Variants in OXTR observed in about 807,000 individuals in gnomAD.
The protein encoded by OXTR is oxytocin receptor.
In OXTR, 19 loss-of-function variants were observed where a neutral mutation model predicts 23.9. The ratio of observed to expected loss-of-function variants is 0.80; its 90% confidence interval spans 0.56 to 1.17. OXTR has a LOEUF of 1.17. OXTR is among the 50% of genes most tolerant of loss of function. The pLI, the probability that OXTR is intolerant of heterozygous loss-of-function variation, is 0.00. For missense variants in OXTR, 500 were observed against 550.7 expected (o/e 0.91, Z 0.92); for synonymous variants, 278 against 250.5 (o/e 1.11, Z -1.04).
chr3:8,766,687 A>G (rs1028752294), intron 3 of OXTR, among the ~76,000 whole-genome samples: 2 of 151,054 alleles, frequency 1.3e-5, no homozygotes, highest in African/African-American at 4.9e-5. Flanking sequence ...TCTCCCTTGG[A>G]CTCCTCTGCC....
chr3:8,767,279 G>T lies in OXTR; in HGVS notation c.909C>A (p.Asn303Lys), dbSNP rs769535684. Residue 303 changes from asparagine (N) to lysine (K), a missense_variant, in exon 3 of 4, where the codon AAC becomes AAA. Coordinates refer to ENST00000316793, the MANE Select transcript of OXTR (RefSeq NM_000916.4). ...FVQMWSVWDA[N>K]APKEASAFII... ...AGCCCTGGCTACCTTCCTTGGGCGC[G>T]TTGGCATCCCAGACGCTCCACATCT... The T allele has an allele frequency of 1.3e-6, 2 of 1,552,130 alleles. No individual in the cohort carries two copies. The highest frequency in any genetic ancestry group is 1.7e-6 in the Non-Finnish European group (2 of 1,150,256).
chr3:8,753,650 C>T (rs1337670610), intron 3 of OXTR, among the ~76,000 whole-genome samples: 2 of 152,176 alleles, frequency 1.3e-5, no homozygotes, highest in South Asian at 2.1e-4. Context: ...GCCTCACCAG[C>T]GCCTAGTTAC....
At position 8,768,595 on chromosome 3, in the gene OXTR, G is replaced by C. The variant is rs1434407432; in HGVS notation, c.-238-4C>G. ...TCGGGATGTTCAGCGGCTTCCACTG[G>C]GGGAGAAGGGAGGGTCAAAATCAGC... is the stretch of plus-strand genomic sequence containing the variant. On this transcript the variant is annotated splice_polypyrimidine_tract_variant and splice_region_variant and intron_variant, in intron 1 of 3. Transcript: ENST00000316793. This position sits in a 1 kb window ranked among gnomAD's most constrained non-coding sequence, Gnocchi z 5.4. The C allele has an allele frequency of 5.9e-6, 1 of 168,352 alleles. No individual in the cohort carries two copies. Among genetic ancestry groups the C allele is most frequent in the South Asian group, 2.0e-4 (1 of 4,972 alleles). The allele number at this position is 168,352 out of a possible 1,614,324, so 10.4% of individuals were successfully genotyped here.
Position 8,751,033 on chromosome 3 carries a change from A to G in OXTR, c.*1944T>C, listed in dbSNP as rs1708246933. On this transcript the variant is annotated 3_prime_UTR_variant, in exon 4 of 4. Transcript: ENST00000316793. Reference sequence around the variant, plus strand: ...TTTCTACCAGTTTCTCTACATCCTCACCGACACTCGTTCTTGTCCATCTTT... The same window carrying G: ...TTTCTACCAGTTTCTCTACATCCTCGCCGACACTCGTTCTTGTCCATCTTT... 6.6e-6 allele frequency: 1 copy of G among 152,186 alleles called. No individual in the cohort carries two copies. The highest frequency in any genetic ancestry group is 6.5e-5 in the Admixed American group (1 of 15,280). The allele number at this position is 152,186 out of a possible 1,614,324, so 9.4% of individuals were successfully genotyped here. A position where few individuals can be genotyped will look rare whatever the true frequency, so the allele number is the denominator to read the frequency against.
Position 8,767,653 on chromosome 3 carries a change from C to A in OXTR, c.535G>T (p.Glu179Ter). ...CAGTCGAAGACGCCGTCAGCCACCTCGCGCAGAGAGAAGATGTGCACCTGC... is the reference window on the plus strand; with the variant it reads ...CAGTCGAAGACGCCGTCAGCCACCTAGCGCAGAGAGAAGATGTGCACCTGC... ...APQVHIFSLR[E>*]VADGVFDCWA... Residue 179 changes from glutamate to a stop codon, truncating the protein, a stop_gained, in exon 3 of 4, where the codon GAG (glutamate) becomes TAG (stop). Transcript: ENST00000316793. LOFTEE classifies it high-confidence loss of function. 1.2e-6 allele frequency: 2 copies of A among 1,612,802 alleles called. No homozygotes were observed. The highest frequency in any genetic ancestry group is 8.5e-7 in the Non-Finnish European group (1 of 1,179,642).
the OXTR span, among the ~76,000 whole-genome samples, chr3:8,741,776 G>T: frequency 5.9e-5 from 9 of 152,030 alleles, no homozygotes; most frequent in Non-Finnish European, 1.2e-4. Context: ...GGTGACTGTT[G>T]TCCTCCCCCG....
chr3:8,758,299 G>A (rs370967892), intron 3 of OXTR, among the ~76,000 whole-genome samples: 1 of 152,250 alleles, frequency 6.6e-6, no homozygotes. Flanking sequence ...AACAGCTGAC[G>A]GGCAGCTGGC....
rs769146293 is a variant in OXTR, at chr3:8,753,020, C to A, written c.1127G>T (p.Arg376Leu). 3 of 1,613,866 alleles carry A rather than the reference C, an allele frequency of 1.9e-6. No individual in the cohort carries two copies. The highest frequency in any genetic ancestry group is 1.7e-5 in the Admixed American group (1 of 60,006). ...GGAGCAGCTCCTCTGGCTGGAGCTGCGATGGCTCAGGACAAAGGAGGACGA... is the reference window on the plus strand; with the variant it reads ...GGAGCAGCTCCTCTGGCTGGAGCTGAGATGGCTCAGGACAAAGGAGGACGA... ...SNSSSFVLSH[R>L]SSSQRSCSQP... The change falls in exon 4 of 4, where the codon CGC (arginine) becomes CTC (leucine). Residue 376 changes from arginine to leucine, a missense_variant. Coordinates refer to ENST00000316793, the MANE Select transcript of OXTR (RefSeq NM_000916.4).
chr3:8,754,437 A>C (rs1304338148), intron 3 of OXTR, among the ~76,000 whole-genome samples: 2 of 152,242 alleles, frequency 1.3e-5, no homozygotes. Flanking sequence ...TTGTGTGTGA[A>C]GGCAACTGCA....
downstream of OXTR, chr3:8,745,729 C>T (rs1478420018): frequency 1.9e-6 from 3 of 1,614,144 alleles, no homozygotes; most frequent in Non-Finnish European, 1.7e-6. This position sits in a 1 kb window ranked among gnomAD's most constrained non-coding sequence, Gnocchi z 4.8. Context: ...TGGTGCCATG[C>T]ATTAAGAGCT....
At chr3:8,760,884 C>T (rs767180740) in intron 3 of OXTR, among the ~76,000 whole-genome samples, 27 of 147,634 alleles carry the variant, frequency 1.8e-4, no homozygotes, top group Non-Finnish European at 3.6e-4. Flanking sequence ...CAAGAGAGTA[C>T]TCACTGCCAG....
Position 8,753,181 on chromosome 3 carries a change from G to A in OXTR, c.966C>T (p.Ser322=). 1.2e-6 allele frequency: 2 copies of A among 1,614,174 alleles called. No individual in the cohort carries two copies. Among genetic ancestry groups the A allele is most frequent in the Non-Finnish European group, 1.7e-6 (2 of 1,180,038 alleles). The change falls in exon 4 of 4, where the codon AGC becomes AGT. Residue 322 remains serine (S), a synonymous_variant. Transcript: ENST00000316793. ...IIVMLLASLN[S]CCNPWIYMLF... ...GCATGTAGATCCAGGGGTTGCAGCAGCTGTTGAGGCTGGCCAGGAGCATGA... is the reference window on the plus strand; with the variant it reads ...GCATGTAGATCCAGGGGTTGCAGCAACTGTTGAGGCTGGCCAGGAGCATGA...
chr3:8,745,367 T>C, the OXTR span, among the ~76,000 whole-genome samples: 1 of 152,200 alleles, frequency 6.6e-6, no homozygotes, highest in Non-Finnish European at 1.5e-5. This position sits in a 1 kb window ranked among gnomAD's most constrained non-coding sequence, Gnocchi z 4.8. Flanking sequence ...GCCTCAGGTA[T>C]GTCTTTAAAG....
downstream of OXTR, among the ~76,000 whole-genome samples, chr3:8,749,655 G>A (rs1708221227): frequency 6.6e-6 from 1 of 152,190 alleles, no homozygotes. Context: ...CCCTCTTCGT[G>A]CATGTCCCAG....
chr3:8,746,049 T>C (rs897152171), downstream of OXTR: 11 of 590,048 alleles, frequency 1.9e-5, no homozygotes, highest in Non-Finnish European at 3.0e-5. Flanking sequence ...AGAAGCACAA[T>C]GGCCCTTCGC....
downstream of OXTR, chr3:8,746,209 G>C (rs1410325357): frequency 4.4e-6 from 1 of 228,690 alleles, no homozygotes; most frequent in Non-Finnish European, 8.7e-6. Context: ...CTCTCCACGC[G>C]CACTCAGGAA....
downstream of OXTR, among the ~76,000 whole-genome samples, chr3:8,747,078 G>A (rs114642456): frequency 2.2e-3 from 336 of 149,360 alleles, 1 homozygote; most frequent in Non-Finnish European, 3.5e-3. Flanking sequence ...TTCATGCAAC[G>A]CCCATTTAAG....
At chr3:8,762,540 A>G (rs1298547454) in intron 3 of OXTR, among the ~76,000 whole-genome samples, 1 of 152,132 alleles carries the variant, frequency 6.6e-6, no homozygotes, top group Admixed American at 6.5e-5. Context: ...CAGAGTGAAT[A>G]TCCTGTCCAA....
chr3:8,767,698 A>C lies in OXTR; in HGVS notation c.490T>G (p.Cys164Gly), dbSNP rs777819616. Residue 164 changes from cysteine (C) to glycine (G), a missense_variant, in exon 3 of 4, where the codon TGC becomes GGC. By Grantham distance (159) the Cys-to-Gly change is radical. Transcript: ENST00000316793. Reference protein sequence around the residue: ...RLAVLATWLGCLVASAPQVHI... With the variant: ...RLAVLATWLGGLVASAPQVHI... ...ACCTGCGGCGCGCTGGCCACCAGGC[A>C]GCCGAGCCACGTGGCGAGCACTGCC... is the stretch of plus-strand genomic sequence containing the variant. 3.1e-6 allele frequency: 5 copies of C among 1,609,478 alleles called. No individual in the cohort carries two copies. The East Asian group carries it at 1.1e-4, about 36-fold the overall frequency.
Sources: gnomAD v4.1 joint callset for allele counts (sites outside exome capture counted in the v4.1 genomes callset) on GRCh38, gnomAD v4.1.1 for gene constraint, Gnocchi (gnomAD v3.1) non-coding constraint, MANE v1.5 for transcripts, NCBI Gene and HGNC (gene_info 2026-07-23, HGNC 2026-07-21) for gene names.